The following WDFY3 variants were observed in gnomAD, a reference collection of about 807,000 sequenced individuals.
The protein encoded by WDFY3 is WD repeat and FYVE domain containing 3.
WDFY3 carries 66 observed loss-of-function variants against 409.6 expected under a neutral mutation model. The ratio of observed to expected loss-of-function variants is 0.16; its 90% confidence interval spans 0.13 to 0.20. The LOEUF (loss-of-function observed/expected upper bound fraction) is 0.20. Ranked by LOEUF, WDFY3 falls within the 10% of genes least tolerant of loss-of-function variation. WDFY3 has a pLI of 1.00. For missense variants in WDFY3, 3,031 were observed against 4,298.1 expected (o/e 0.71, Z 8.24); for synonymous variants, 1,521 against 1,537.1 (o/e 0.99, Z 0.25).
At chr4:84,857,014 A>C (rs1578840628) in intron 4 of WDFY3, among the ~76,000 whole-genome samples, 1 of 152,238 alleles carries the variant, frequency 6.6e-6, no homozygotes, top group African/African-American at 2.4e-5. Flanking sequence ...CCAATTAATA[A>C]GAATTATTTT....
chr4:84,882,941 G>A (rs555659035), intron 3 of WDFY3, among the ~76,000 whole-genome samples: 1 of 152,200 alleles, frequency 6.6e-6, no homozygotes, highest in Admixed American at 6.5e-5. Flanking sequence ...CTCTGGGCTA[G>A]AGCGATCCTC....
chr4:84,836,645 T>A (rs188705931), intron 7 of WDFY3, among the ~76,000 whole-genome samples: 2 of 152,222 alleles, frequency 1.3e-5, no homozygotes, highest in Admixed American at 1.3e-4. Context: ...TTTTCCTTGC[T>A]TAGTTCATTT....
chr4:84,757,179 TAACA>T lies in WDFY3; in HGVS notation c.5189-22_5189-19del. ...GTTGAATCCTAAGAGAAGAGGAATA[TAACA>T]GTAAGTGCAAAATCAGCAACTGATA... On this transcript the variant is annotated intron_variant, in intron 32 of 67. Transcript: ENST00000295888. 6.2e-7 allele frequency: 1 copy of T among 1,603,354 alleles called. No homozygotes were observed.
chr4:84,948,241 T>C (rs1773148430), intron 1 of WDFY3, among the ~76,000 whole-genome samples: 1 of 152,196 alleles, frequency 6.6e-6, no homozygotes, highest in East Asian at 1.9e-4. Flanking sequence ...CCTAACATGC[T>C]TTTTCATATC....
chr4:84,796,082 T>C (rs1749388158), intron 19 of WDFY3, among the ~76,000 whole-genome samples: 1 of 151,878 alleles, frequency 6.6e-6, no homozygotes, highest in African/African-American at 2.4e-5. Flanking sequence ...ACATTAGATG[T>C]TGGCAGACTT....
intron 1 of WDFY3, among the ~76,000 whole-genome samples, chr4:84,943,274 G>C (rs923207656): frequency 1.3e-5 from 2 of 152,078 alleles, no homozygotes; most frequent in African/African-American, 4.8e-5. Context: ...GGCCGAGGCG[G>C]GCGGATCACA....
chr4:84,798,206 CTAA>C (rs1749843549), intron 17 of WDFY3, 98 bp from the exon 18 acceptor site: 1 of 1,047,488 alleles, frequency 9.5e-7, no homozygotes, highest in Non-Finnish European at 1.4e-6. Context: ...TTCCAACAGA[CTAA>C]TTACAATAAA....
chr4:84,780,594 T>C (rs1746320971), intron 25 of WDFY3, among the ~76,000 whole-genome samples: 2 of 151,670 alleles, frequency 1.3e-5, no homozygotes, highest in South Asian at 2.1e-4. Context: ...CCAAACCCCG[T>C]CTCTACTAAA....
At chr4:84,850,331 T>G (rs199647166) in intron 4 of WDFY3, among the ~76,000 whole-genome samples, 2 of 150,908 alleles carry the variant, frequency 1.3e-5, no homozygotes, top group East Asian at 2.0e-4. Context: ...TTCTTTTTTT[T>G]TGGGGGGGAC....
At chr4:84,956,334 G>A (rs1182069936) in intron 1 of WDFY3, among the ~76,000 whole-genome samples, 4 of 152,266 alleles carry the variant, frequency 2.6e-5, no homozygotes, top group Non-Finnish European at 4.4e-5. Context: ...AGAACTCAAT[G>A]ATCGCTATTA....
intron 17 of WDFY3, among the ~76,000 whole-genome samples, chr4:84,799,165 T>G (rs115803052): frequency 0.024 from 3,604 of 152,066 alleles, 77 homozygotes; most frequent in Non-Finnish European, 0.03. Context: ...CATCATTTTT[T>G]TGTGTGTGTG....
chr4:84,933,247 T>C (rs1770993300), intron 1 of WDFY3, among the ~76,000 whole-genome samples: 1 of 152,150 alleles, frequency 6.6e-6, no homozygotes, highest in African/African-American at 2.4e-5. Flanking sequence ...TTCAAAATCA[T>C]TGAAGGCAAT....
At chr4:84,817,221 A>T (rs965220976) in intron 13 of WDFY3, among the ~76,000 whole-genome samples, 171 bp downstream of exon 13, 2 of 152,194 alleles carry the variant, frequency 1.3e-5, no homozygotes, top group South Asian at 2.1e-4. Context: ...ATATACTGAA[A>T]GACATAAATG....
chr4:84,724,278 C>T (rs1016142303), intron 46 of WDFY3, 148 bp downstream of exon 46: 17 of 859,390 alleles, frequency 2.0e-5, no homozygotes, highest in Non-Finnish European at 2.7e-5. Flanking sequence ...ACAAAGAAAT[C>T]AATCTTTAAG....
intron 1 of WDFY3, among the ~76,000 whole-genome samples, chr4:84,938,129 G>A (rs1040161909): frequency 6.6e-6 from 1 of 152,024 alleles, no homozygotes; most frequent in Non-Finnish European, 1.5e-5. Flanking sequence ...TGAGGGCAAT[G>A]GTTTTGTTTA....
intron 44 of WDFY3, among the ~76,000 whole-genome samples, chr4:84,732,526 C>T (rs1736772114): frequency 6.6e-6 from 1 of 152,132 alleles, no homozygotes; most frequent in Non-Finnish European, 1.5e-5. Context: ...ACCAACATCT[C>T]CCTATTCCCC....
chr4:84,779,257 A>G (rs1016705638), intron 26 of WDFY3, among the ~76,000 whole-genome samples: 1 of 152,232 alleles, frequency 6.6e-6, no homozygotes, highest in African/African-American at 2.4e-5. Flanking sequence ...AATTAAATCT[A>G]TACAACACAG....
intron 51 of WDFY3, among the ~76,000 whole-genome samples, chr4:84,712,354 T>C (rs1029897003): frequency 7.7e-6 from 1 of 129,334 alleles, no homozygotes; most frequent in Non-Finnish European, 1.6e-5. Context: ...AGAAGGAAAC[T>C]GTCTCAAAAG....
intron 2 of WDFY3, among the ~76,000 whole-genome samples, chr4:84,913,961 T>A (rs534146789): frequency 6.6e-6 from 1 of 152,134 alleles, no homozygotes; most frequent in Non-Finnish European, 1.5e-5. Context: ...TGAAGACCTT[T>A]ATGATGATCC....
Sources: gnomAD v4.1 joint callset for allele counts (sites outside exome capture counted in the v4.1 genomes callset) on GRCh38, gnomAD v4.1.1 for gene constraint, MANE v1.5 for transcripts, NCBI Gene and HGNC (gene_info 2026-07-23, HGNC 2026-07-21) for gene names.